Variants in AGBL4 observed in about 807,000 individuals in gnomAD.
AGBL4 encodes the protein AGBL carboxypeptidase 4.
AGBL4 carries 58 observed loss-of-function variants against 66.4 expected under a neutral mutation model. That is an observed-to-expected ratio of 0.87 (90% CI 0.71 to 1.09). The LOEUF (loss-of-function observed/expected upper bound fraction) is 1.09, where lower values mean the gene tolerates loss of function less well. AGBL4 is among the 50% of genes least tolerant of loss of function. AGBL4 has a pLI of 0.00. For missense variants in AGBL4, 579 were observed against 631.0 expected (o/e 0.92, Z 0.88); for synonymous variants, 234 against 222.9 (o/e 1.05, Z -0.44).
intron 4 of AGBL4, among the ~76,000 whole-genome samples, chr1:49,100,935 A>G (rs1170713720): frequency 6.6e-6 from 1 of 152,132 alleles, no homozygotes; most frequent in Admixed American, 6.6e-5. Context: ...AGACTTCAGT[A>G]AGGTGATTTA....
intron 6 of AGBL4, among the ~76,000 whole-genome samples, chr1:48,674,690 C>CT (rs1427997398): frequency 2.0e-5 from 3 of 152,124 alleles, no homozygotes; most frequent in African/African-American, 7.2e-5. Flanking sequence ...TAATATTCAT[C>CT]TTATTGGGTG....
intron 1 of AGBL4, among the ~76,000 whole-genome samples, chr1:49,975,581 G>A (rs1658488469): frequency 6.6e-6 from 1 of 152,106 alleles, no homozygotes; most frequent in Non-Finnish European, 1.5e-5. Context: ...AGACTCTTGA[G>A]GTTTGCACGC....
At chr1:49,528,836 T>C (rs923116584) in intron 3 of AGBL4, among the ~76,000 whole-genome samples, 1 of 152,098 alleles carries the variant, frequency 6.6e-6, no homozygotes, top group Non-Finnish European at 1.5e-5. Flanking sequence ...CTATGGTTTA[T>C]ATATAAGAAA....
At chr1:49,562,785 A>G (rs1470870863) in intron 3 of AGBL4, among the ~76,000 whole-genome samples, 3 of 152,102 alleles carry the variant, frequency 2.0e-5, no homozygotes, top group Non-Finnish European at 4.4e-5. Flanking sequence ...TTGACTTGGC[A>G]ATGTGGGCTC....
intron 3 of AGBL4, among the ~76,000 whole-genome samples, chr1:49,652,734 G>A (rs774268990): frequency 1.2e-4 from 18 of 152,262 alleles, no homozygotes; most frequent in Middle Eastern, 3.4e-3. Flanking sequence ...GCCAGACAGC[G>A]GGACCCAGAT....
At chr1:48,694,743 GGAT>G (rs1646688385) in intron 6 of AGBL4, among the ~76,000 whole-genome samples, 1 of 152,288 alleles carries the variant, frequency 6.6e-6, no homozygotes, top group East Asian at 1.9e-4. Flanking sequence ...GGGGTCCAGA[GGAT>G]GATAAGACAC....
chr1:48,910,670 T>A (rs1653011626), intron 5 of AGBL4, among the ~76,000 whole-genome samples: 2 of 151,900 alleles, frequency 1.3e-5, no homozygotes, highest in Admixed American at 1.3e-4. Context: ...TTCCCTTCAG[T>A]AAACTGCCCG....
At position 49,146,556 on chromosome 1, in the gene AGBL4, C is replaced by T. The variant is rs533818332; in HGVS notation, c.377+99214G>A. Among the ~76,000 whole-genome samples the T allele has an allele frequency of 3.3e-5, 5 of 152,252 alleles. No individual in the cohort carries two copies. The East Asian group carries it at 5.8e-4, about 18-fold the overall frequency. On this transcript the variant is annotated intron_variant, in intron 4 of 13. Transcript: ENST00000371839. ...AAATGTTGGTTGAAACGGAAAACACCTAGCTGAGAGAAAAACTCTTCTTCC... is the reference window on the plus strand; with the variant it reads ...AAATGTTGGTTGAAACGGAAAACACTTAGCTGAGAGAAAAACTCTTCTTCC...
At chr1:49,840,524 C>G (rs1043227606) in intron 2 of AGBL4, among the ~76,000 whole-genome samples, 21 of 152,102 alleles carry the variant, frequency 1.4e-4, no homozygotes, top group African/African-American at 5.1e-4. Flanking sequence ...TTCTATGAAG[C>G]CACTCTCAGC....
intron 5 of AGBL4, among the ~76,000 whole-genome samples, chr1:48,877,406 C>T (rs1649333300): frequency 6.6e-6 from 1 of 152,092 alleles, no homozygotes; most frequent in Non-Finnish European, 1.5e-5. Context: ...CGATGAGGCC[C>T]TAGCTACCTT....
Position 49,114,187 on chromosome 1 carries a change from T to A in AGBL4, c.378-68387A>T, listed in dbSNP as rs1224603073. On this transcript the variant is annotated intron_variant, in intron 4 of 13. Coordinates refer to ENST00000371839, the MANE Select transcript of AGBL4 (RefSeq NM_032785.4). ...TTTAGTGAGCCACCTTCATCAGTCA[T>A]CTTAGCTAGATCTTTTGGATAACCT... 2.0e-5 allele frequency among the ~76,000 whole-genome samples: 3 copies of A among 152,256 alleles called. No individual in the cohort carries two copies. In the East Asian group the frequency reaches 5.8e-4, roughly 29 times the overall value.
intron 2 of AGBL4, among the ~76,000 whole-genome samples, chr1:49,768,618 G>A (rs1015431876): frequency 3.3e-5 from 5 of 152,014 alleles, no homozygotes; most frequent in African/African-American, 4.8e-5. Flanking sequence ...ACCAGAATGC[G>A]ACAAGGATGA....
intron 2 of AGBL4, among the ~76,000 whole-genome samples, chr1:49,698,996 C>G (rs1647038086): frequency 6.6e-6 from 1 of 151,942 alleles, no homozygotes; most frequent in South Asian, 2.1e-4. Flanking sequence ...TAAATTGAAA[C>G]CCAGAAATGT....
intron 3 of AGBL4, among the ~76,000 whole-genome samples, chr1:49,333,943 A>G (rs925150370): frequency 2.6e-5 from 4 of 152,212 alleles, no homozygotes; most frequent in African/African-American, 9.6e-5. Context: ...AGGCTTCCCA[A>G]ACTAAGAGCA....
rs114605403 is a variant in AGBL4, at chr1:49,265,947, C to T, written c.283-20083G>A. Among the ~76,000 whole-genome samples the T allele has an allele frequency of 1.4e-3, 220 of 152,182 alleles. 1 individual carries two copies. Among genetic ancestry groups the T allele is most frequent in the African/African-American group, 5.2e-3 (214 of 41,546 alleles). On this transcript the variant is annotated intron_variant, in intron 3 of 13. Transcript: ENST00000371839. ...CTGCCCATGAAGAACCAAAAAGTTG[C>T]CACCTAAAGTCTTCAAAAAATGCTG...
chr1:48,711,661 C>T (rs941201153), intron 6 of AGBL4, among the ~76,000 whole-genome samples: 2 of 152,022 alleles, frequency 1.3e-5, no homozygotes, highest in African/African-American at 2.4e-5. Flanking sequence ...CCCCAGCCCA[C>T]CGAGCTCCAA....
At chr1:49,846,539 A>G in intron 2 of AGBL4, 1 of 549,716 alleles carries the variant, frequency 1.8e-6, no homozygotes, top group African/African-American at 1.9e-5. Context: ...AAGTGAAGAG[A>G]CAATCCACTG....
Position 49,333,365 on chromosome 1 carries a change from C to G in AGBL4, c.283-87501G>C, listed in dbSNP as rs187275050. ...TGGTGGCGCATGCCTGTAATCCCAG[C>G]CACTTGGGAGGCTGAGGCAGGAGAA... On this transcript the variant is annotated intron_variant, in intron 3 of 13. Coordinates refer to ENST00000371839, the MANE Select transcript of AGBL4 (RefSeq NM_032785.4). Among the ~76,000 whole-genome samples the G allele has an allele frequency of 1.2e-4, 19 of 152,228 alleles. No homozygotes were observed. The East Asian group carries it at 3.5e-3, about 28-fold the overall frequency.
chr1:49,061,449 C>T (rs960582761), intron 4 of AGBL4, among the ~76,000 whole-genome samples: 1 of 152,068 alleles, frequency 6.6e-6, no homozygotes, highest in Non-Finnish European at 1.5e-5. Flanking sequence ...CCTGTGGGTG[C>T]ATAGGGATGG....
Sources: gnomAD v4.1 joint callset for allele counts (sites outside exome capture counted in the v4.1 genomes callset) on GRCh38, gnomAD v4.1.1 for gene constraint, MANE v1.5 for transcripts, NCBI Gene and HGNC (gene_info 2026-07-23, HGNC 2026-07-21) for gene names.